The following UCHL5 variants were observed in gnomAD, a reference collection of about 807,000 sequenced individuals.
The protein encoded by UCHL5 is ubiquitin C-terminal hydrolase L5, also known as ubiquitin carboxyl-terminal hydrolase isozyme L5.
A neutral mutation model predicts 53.8 loss-of-function variants in UCHL5; 34 were observed. That is an observed-to-expected ratio of 0.63 (90% CI 0.48 to 0.84). The LOEUF (loss-of-function observed/expected upper bound fraction) is 0.84. Ranked by LOEUF, UCHL5 falls within the 40% of genes least tolerant of loss-of-function variation. UCHL5 has a pLI of 0.00. For missense variants in UCHL5, 290 were observed against 385.6 expected (o/e 0.75, Z 2.08); for synonymous variants, 111 against 126.3 (o/e 0.88, Z 0.81).
chr1:193,022,601 G>A (rs887543607), intron 9 of UCHL5, among the ~76,000 whole-genome samples: 11 of 151,298 alleles, frequency 7.3e-5, no homozygotes, highest in African/African-American at 2.7e-4. Context: ...GGAAGGTGGA[G>A]GTTGCAGTGA....
At chr1:193,019,686 A>T (rs2102277071) in intron 10 of UCHL5, among the ~76,000 whole-genome samples, 1 of 151,838 alleles carries the variant, frequency 6.6e-6, no homozygotes, top group South Asian at 2.1e-4. Context: ...TTCTAATGTT[A>T]AGCTGACAAG....
intron 3 of UCHL5, among the ~76,000 whole-genome samples, chr1:193,032,440 G>A (rs1661774934): frequency 6.6e-6 from 1 of 151,994 alleles, no homozygotes; most frequent in South Asian, 2.1e-4. Flanking sequence ...GAAAACCTAG[G>A]CAATACCATT....
intron 6 of UCHL5, 41 bp downstream of exon 6, chr1:193,029,138 C>T (rs747614904): frequency 1.3e-6 from 2 of 1,594,878 alleles, no homozygotes; most frequent in Non-Finnish European, 1.7e-6. Flanking sequence ...ACAGATTTTC[C>T]CCTGTCAAAA....
intron 3 of UCHL5, among the ~76,000 whole-genome samples, chr1:193,049,217 C>T (rs1668270918): frequency 2.6e-5 from 4 of 152,110 alleles, no homozygotes; most frequent in Non-Finnish European, 5.9e-5. Flanking sequence ...GAGTTTGAGA[C>T]CAGCCTGGCC....
intron 1 of UCHL5, among the ~76,000 whole-genome samples, chr1:193,053,640 A>C (rs1173040177): frequency 1.3e-5 from 2 of 152,236 alleles, no homozygotes; most frequent in African/African-American, 4.8e-5. Flanking sequence ...CACCATGCAT[A>C]TATAAAACAA....
chr1:193,054,162 A>G (rs1194607456), intron 1 of UCHL5, among the ~76,000 whole-genome samples: 1 of 152,248 alleles, frequency 6.6e-6, no homozygotes, highest in Admixed American at 6.5e-5. Context: ...TTTATTAACT[A>G]ACACATCTGT....
At position 193,026,435 on chromosome 1, in the gene UCHL5, C is replaced by A. The variant is rs1659262409; in HGVS notation, c.629+1650G>T. 2.0e-5 allele frequency among the ~76,000 whole-genome samples: 3 copies of A among 152,234 alleles called. No homozygotes were observed. In the South Asian group the frequency reaches 6.2e-4, roughly 32 times the overall value. On this transcript the variant is annotated intron_variant, in intron 7 of 10. Transcript: ENST00000367454. ...ATTAGTATCTAAAATACGTAAAGAA[C>A]TTCAGACTCAAGAGTCAAAAAACAA...
intron 10 of UCHL5, chr1:193,018,419 ATAATT>A: frequency 1.6e-6 from 1 of 636,778 alleles, no homozygotes; most frequent in East Asian, 1.3e-4. Context: ...CTTAAACTAG[ATAATT>A]TTATTTTATA....
rs1289702588 is a variant in UCHL5 at position 193,016,397 on chromosome 1, TA to T, written c.943-3del. On this transcript the variant is annotated splice_region_variant and splice_polypyrimidine_tract_variant and intron_variant, in intron 10 of 10. Transcript: ENST00000367454. ...CTTTGCGTTCTGTTTTTCTTTTGCC[TA>T]AAAATTAAAAATAGTATGTTACAAA... 1 of 1,604,504 alleles carries T rather than the reference TA, an allele frequency of 6.2e-7. No individual in the cohort carries two copies. Among genetic ancestry groups the T allele is most frequent in the Non-Finnish European group, 8.5e-7 (1 of 1,176,770 alleles).
rs1654815452 is a variant in UCHL5, at chr1:193,015,841, TA to T, written c.*509del. ...CTGGAAATTATACTTTTGTCCTTTTTAAATGATTTACATTAAAATCATACTT... is the reference window on the plus strand; with the variant it reads ...CTGGAAATTATACTTTTGTCCTTTTTAATGATTTACATTAAAATCATACTT... On this transcript the variant is annotated 3_prime_UTR_variant, in exon 11 of 11. Transcript: ENST00000367454. 1 of 152,212 alleles carries T rather than the reference TA, an allele frequency of 6.6e-6. No homozygotes were observed. Among genetic ancestry groups the T allele is most frequent in the Non-Finnish European group, 1.5e-5 (1 of 68,038 alleles). The allele number at this position is 152,212 out of a possible 1,614,324, so 9.4% of individuals were successfully genotyped here. A position where few individuals can be genotyped will look rare whatever the true frequency, so the allele number is the denominator to read the frequency against.
intron 1 of UCHL5, among the ~76,000 whole-genome samples, chr1:193,054,311 A>G (rs1669989947): frequency 6.6e-6 from 1 of 152,176 alleles, no homozygotes; most frequent in Non-Finnish European, 1.5e-5. Flanking sequence ...TAGGTATGCT[A>G]TGTTCCAACA....
chr1:193,028,552 T>C (rs79943335), intron 6 of UCHL5, among the ~76,000 whole-genome samples: 3,529 of 152,172 alleles, frequency 0.023, 140 homozygotes, highest in African/African-American at 0.081. Flanking sequence ...AAAAGAAAAT[T>C]TAATGAAGTC....
intron 6 of UCHL5, 107 bp from the exon 7 acceptor site, chr1:193,028,255 T>G: frequency 1.1e-6 from 1 of 943,060 alleles, no homozygotes; most frequent in Non-Finnish European, 1.5e-6. Context: ...TTTAATAAAT[T>G]TAGAGCAGTA....
Position 193,059,118 on chromosome 1 carries a change from C to T in UCHL5, c.76+67G>A. ...GCGGGGCGGCGGTGGCCGCAGGGAA[C>T]CACTCCATGCCCAGCTTGGGCCTCC... On this transcript the variant is annotated intron_variant, in intron 1 of 10. Transcript: ENST00000367454. This position sits in a 1 kb window ranked among gnomAD's most constrained non-coding sequence, Gnocchi z 4.9. The T allele has an allele frequency of 6.9e-7, 1 of 1,440,748 alleles. No homozygotes were observed. The allele number at this position is 1,440,748 out of a possible 1,614,324, so 89.2% of individuals were successfully genotyped here. A position where few individuals can be genotyped will look rare whatever the true frequency, so the allele number is the denominator to read the frequency against.
chr1:193,029,417 C>A lies in UCHL5; in HGVS notation c.405G>T (p.Val135=). ...CGAAACTGTTGTGTACTTGTCGAAT[C>A]ACATCTGAATTGCTCAGTGCCAAGC... The part of the protein sequence containing the change: ...MKGLALSNSD[V]IRQVHNSFAR... Residue 135 remains valine (V), a synonymous_variant, in exon 5 of 11, where the codon GTG becomes GTT. Coordinates refer to ENST00000367454, the MANE Select transcript of UCHL5 (RefSeq NM_001199261.3). 1 of 1,613,704 alleles carries A rather than the reference C, an allele frequency of 6.2e-7. No individual in the cohort carries two copies. The highest frequency in any genetic ancestry group is 1.1e-5 in the South Asian group (1 of 91,056).
At chr1:193,020,495 C>T in intron 10 of UCHL5, 1 of 1,461,584 alleles carries the variant, frequency 6.8e-7, no homozygotes, top group South Asian at 1.4e-5. Context: ...TAAAGAGTAT[C>T]CACTGATGTT....
chr1:193,040,978 G>A (rs1267011555), intron 3 of UCHL5, among the ~76,000 whole-genome samples: 1 of 152,196 alleles, frequency 6.6e-6, no homozygotes, highest in Non-Finnish European at 1.5e-5. Context: ...GGTTGCCAGA[G>A]GCTGGGAAGG....
intron 7 of UCHL5, among the ~76,000 whole-genome samples, chr1:193,024,203 C>T (rs905220101): frequency 2.0e-5 from 3 of 150,904 alleles, no homozygotes. Context: ...TGATAGTGCA[C>T]TATACTCCAG....
intron 7 of UCHL5, among the ~76,000 whole-genome samples, chr1:193,025,936 G>A (rs1659035026): frequency 6.6e-6 from 1 of 152,074 alleles, no homozygotes. Context: ...AGTACTGGCA[G>A]AGGAACAGAT....
Sources: gnomAD v4.1 joint callset for allele counts (sites outside exome capture counted in the v4.1 genomes callset) on GRCh38, gnomAD v4.1.1 for gene constraint, Gnocchi (gnomAD v3.1) non-coding constraint, MANE v1.5 for transcripts, NCBI Gene and HGNC (gene_info 2026-07-23, HGNC 2026-07-21) for gene names.